The following DOCK7 variants were observed in gnomAD, a reference collection of about 807,000 sequenced individuals.
The protein encoded by DOCK7 is dedicator of cytokinesis protein 7.
Under a neutral mutation model 271.0 loss-of-function variants are expected in DOCK7, and 138 were observed. The ratio of observed to expected loss-of-function variants is 0.51; its 90% CI spans 0.44 to 0.59. DOCK7 has a LOEUF of 0.59. Among genes scored for constraint, DOCK7 ranks in the 20% least tolerant of loss-of-function variants. The pLI, the probability that DOCK7 is intolerant of heterozygous loss-of-function variation, is 0.00. For missense variants in DOCK7, 2,066 were observed against 2,592.4 expected (o/e 0.80, Z 4.41); for synonymous variants, 823 against 876.1 (o/e 0.94, Z 1.07).
chr1:62,478,824 T>C (rs1364771287), intron 43 of DOCK7: 1 of 152,190 alleles, frequency 6.6e-6, no homozygotes, highest in Admixed American at 6.5e-5. Flanking sequence ...TTGGTTATTC[T>C]AAATCACCCA....
chr1:62,476,070 G>C lies in DOCK7; in HGVS notation c.5721C>G (p.Asn1907Lys). ...ATTATAGTCGAATCAACTATACCTT[G>C]TTAGGATCTAATTTACACTTGTCTA... ...NPVDKCKLDP[N>K]KAYIQITYVE... The change falls in exon 45 of 50, where the codon AAC becomes AAG. Residue 1907 changes from asparagine (N) to lysine (K), a missense_variant. Coordinates refer to ENST00000635253, the MANE Select transcript of DOCK7 (RefSeq NM_001367561.1). 1 of 1,611,568 alleles carries C rather than the reference G, an allele frequency of 6.2e-7. No homozygotes were observed. The highest frequency in any genetic ancestry group is 8.5e-7 in the Non-Finnish European group (1 of 1,178,444).
intron 15 of DOCK7, chr1:62,584,817 C>T (rs1267202453): frequency 1.4e-6 from 1 of 732,270 alleles, no homozygotes; most frequent in Admixed American, 2.0e-5. Flanking sequence ...TGAGAAGATG[C>T]TATGGTAGCA....
intron 22 of DOCK7, 61 bp downstream of exon 22, chr1:62,552,671 G>C (rs1001973133): frequency 1.4e-6 from 2 of 1,474,406 alleles, no homozygotes; most frequent in African/African-American, 2.8e-5. Flanking sequence ...ACAACAACTG[G>C]ATATTTCTCG....
At chr1:62,492,156 C>T (rs1646485813) in intron 41 of DOCK7, 1 of 151,868 alleles carries the variant, frequency 6.6e-6, no homozygotes, top group Non-Finnish European at 1.5e-5. Flanking sequence ...GAGTTTGAGG[C>T]CGCAGTGAGC....
At chr1:62,559,897 C>T (rs774419547) in intron 19 of DOCK7, among the ~76,000 whole-genome samples, 1 of 152,114 alleles carries the variant, frequency 6.6e-6, no homozygotes, top group Non-Finnish European at 1.5e-5. Context: ...AGCTGAACAC[C>T]TACTTTCCTT....
At chr1:62,645,593 T>A (rs922305871) in intron 7 of DOCK7, among the ~76,000 whole-genome samples, 1 of 152,182 alleles carries the variant, frequency 6.6e-6, no homozygotes, top group African/African-American at 2.4e-5. Flanking sequence ...GAAAGAACTC[T>A]AAAATTTATT....
intron 1 of DOCK7, among the ~76,000 whole-genome samples, chr1:62,670,834 A>G (rs1659904711): frequency 6.6e-6 from 1 of 152,160 alleles, no homozygotes; most frequent in East Asian, 1.9e-4. Flanking sequence ...TGCCCGAGCC[A>G]GCATTGGCAA....
intron 33 of DOCK7, 91 bp from the exon 34 acceptor site, chr1:62,510,764 A>G (rs1644460023): frequency 1.3e-5 from 13 of 991,082 alleles, no homozygotes; most frequent in Non-Finnish European, 1.8e-5. Context: ...AATATACAAC[A>G]ATAATTTGTA....
At chr1:62,630,686 T>G (rs1654512958) in intron 11 of DOCK7, among the ~76,000 whole-genome samples, 1 of 152,118 alleles carries the variant, frequency 6.6e-6, no homozygotes, top group Non-Finnish European at 1.5e-5. Flanking sequence ...TCAATTTGTT[T>G]CCTCATCAAC....
chr1:62,556,731 T>A (rs1210208495), intron 20 of DOCK7, among the ~76,000 whole-genome samples: 3 of 152,172 alleles, frequency 2.0e-5, no homozygotes, highest in African/African-American at 7.2e-5. Flanking sequence ...CTATAATTTA[T>A]TTAACCAAGA....
chr1:62,578,527 T>C (rs921734462), intron 17 of DOCK7, among the ~76,000 whole-genome samples: 5 of 151,768 alleles, frequency 3.3e-5, no homozygotes, highest in Non-Finnish European at 7.4e-5. Flanking sequence ...TGAGACCAAC[T>C]TGGCAAACAT....
At chr1:62,476,418 T>TA (rs1260337713) in intron 44 of DOCK7, among the ~76,000 whole-genome samples, 1 of 152,072 alleles carries the variant, frequency 6.6e-6, no homozygotes, top group Non-Finnish European at 1.5e-5. Context: ...TTTTCTCCAG[T>TA]AAAAATACAG....
intron 1 of DOCK7, among the ~76,000 whole-genome samples, chr1:62,675,510 C>T (rs907301825): frequency 6.6e-6 from 1 of 152,150 alleles, no homozygotes; most frequent in South Asian, 2.1e-4. Context: ...TGGCCAGACG[C>T]GATGGCTCAC....
At chr1:62,679,488 T>C (rs1400536173) in intron 1 of DOCK7, among the ~76,000 whole-genome samples, 1 of 152,060 alleles carries the variant, frequency 6.6e-6, no homozygotes, top group African/African-American at 2.4e-5. Flanking sequence ...AACAGCAAAA[T>C]ATTTAAATAA....
intron 13 of DOCK7, among the ~76,000 whole-genome samples, chr1:62,619,385 T>C (rs538112140): frequency 6.6e-6 from 1 of 152,344 alleles, no homozygotes; most frequent in African/African-American, 2.4e-5. Context: ...GCTGGGGATA[T>C]ATTTTAAGAC....
chr1:62,643,268 C>T (rs1371246658), intron 7 of DOCK7, among the ~76,000 whole-genome samples: 1 of 152,214 alleles, frequency 6.6e-6, no homozygotes, highest in African/African-American at 2.4e-5. Flanking sequence ...ACCCAGATAA[C>T]CCACAGAATT....
chr1:62,648,783 T>C lies in DOCK7; in HGVS notation c.390-239A>G, dbSNP rs566548564. Among the ~76,000 whole-genome samples the C allele has an allele frequency of 3.3e-5, 5 of 152,232 alleles. No homozygotes were observed. In the South Asian group the frequency reaches 8.3e-4, roughly 25 times the overall value. On this transcript the variant is annotated intron_variant, in intron 4 of 49. Coordinates refer to ENST00000635253, the MANE Select transcript of DOCK7 (RefSeq NM_001367561.1). The stretch of plus-strand genomic sequence containing the variant: ...ATTTTCCTTCTTTCCATGCCAATCA[T>C]GTGTATATAAATTAAGCTGTACTTT...
At chr1:62,682,897 T>A (rs1329946373) in intron 1 of DOCK7, among the ~76,000 whole-genome samples, 3 of 152,128 alleles carry the variant, frequency 2.0e-5, no homozygotes, top group Admixed American at 1.3e-4. Flanking sequence ...ATCAAGACTC[T>A]GAGAGAGGTG....
intron 11 of DOCK7, 57 bp from the exon 12 acceptor site, chr1:62,625,458 G>T: frequency 6.6e-7 from 1 of 1,515,022 alleles, no homozygotes. Context: ...TTGTTTTAAA[G>T]TAGCTTTCCA....
Sources: allele counts gnomAD v4.1 joint callset (sites outside exome capture counted in the v4.1 genomes callset), GRCh38; gene constraint gnomAD v4.1.1; transcripts MANE v1.5; gene names NCBI Gene and HGNC (gene_info 2026-07-23, HGNC 2026-07-21).